The following ZNF600 variants were observed in gnomAD, a reference collection of about 807,000 sequenced individuals.
The protein encoded by ZNF600 is zinc finger protein 600.
Under a neutral mutation model 7.3 loss-of-function variants are expected in ZNF600, and 4 were observed. The observed-to-expected ratio is 0.55, with a 90% CI of 0.27 to 1.25. ZNF600 has a LOEUF of 1.25. Ranked by LOEUF, ZNF600 falls within the 50% of genes most tolerant of loss-of-function variation. The pLI is 0.12. For missense variants in ZNF600, 911 were observed against 922.1 expected (o/e 0.99, Z 0.16); for synonymous variants, 290 against 308.9 (o/e 0.94, Z 0.64).
chr19:52,767,567 T>A (rs1187463845), exon 4 of ZNF600: 16 of 1,613,824 alleles, frequency 9.9e-6, no homozygotes, highest in Admixed American at 5.0e-5. Flanking sequence ...TCAACTTTTT[T>A]ATTTTTGTCA....
At chr19:52,790,682 CTTTTTTTTTTT>C (rs71183835), upstream of ZNF600, among the ~76,000 whole-genome samples, 29 of 98,576 alleles carry the variant, frequency 2.9e-4, no homozygotes, top group African/African-American at 1.2e-3. Context: ...TCTCTCTCTC[CTTTTTTTTTTT>C]TTTTTTTTTT....
intron 3 of ZNF600, among the ~76,000 whole-genome samples, chr19:52,768,042 C>T (rs2062602850): frequency 6.6e-6 from 1 of 151,858 alleles, no homozygotes; most frequent in Non-Finnish European, 1.5e-5. Context: ...AGTATTTTTC[C>T]ACTGTGACCC....
chr19:52,766,898 T>C (rs144568363), exon 4 of ZNF600: 10 of 1,614,016 alleles, frequency 6.2e-6, no homozygotes, highest in Non-Finnish European at 7.6e-6. Context: ...CAAGGTTTGA[T>C]TGCTGATTAA....
At chr19:52,766,715 T>C in exon 4 of ZNF600, 1 of 1,613,530 alleles carries the variant, frequency 6.2e-7, no homozygotes, top group Non-Finnish European at 8.5e-7. Flanking sequence ...TTCTTTTATG[T>C]CTTGCCAGCT....
Position 52,766,695 on chromosome 19 carries a change from CCA to C in ZNF600, c.1266_1267del (p.Gly423ArgfsTer7). The C allele has an allele frequency of 6.2e-7, 1 of 1,613,608 alleles. No individual in the cohort carries two copies. The highest frequency in any genetic ancestry group is 8.5e-7 in the Non-Finnish European group (1 of 1,179,924). ...CTCATTACACTTGTAAGTTTTCTCT[CCA>C]GTGTGAATTCTTTTATGTCTTGCCA... On this transcript the variant is annotated frameshift_variant, in exon 4 of 4. Coordinates refer to ENST00000648973, the Ensembl canonical transcript of ZNF600. LOFTEE classifies it low-confidence loss of function (END_TRUNC).
the ZNF600 span, among the ~76,000 whole-genome samples, chr19:52,832,105 C>T: frequency 7.4e-5 from 7 of 94,144 alleles, no homozygotes; most frequent in Non-Finnish European, 1.2e-4. Flanking sequence ...CCCAGCTACT[C>T]GAGAGGCTCA....
the ZNF600 span, among the ~76,000 whole-genome samples, chr19:52,825,192 A>G: frequency 6.6e-6 from 1 of 152,124 alleles, no homozygotes; most frequent in Non-Finnish European, 1.5e-5. Context: ...CCCTCCAGAT[A>G]CATGTAGCGA....
exon 4 of ZNF600, chr19:52,767,050 G>C (rs1423929862): frequency 6.2e-7 from 1 of 1,614,058 alleles, no homozygotes; most frequent in East Asian, 2.2e-5. Flanking sequence ...AGTCTACGAT[G>C]GCATGTAAGG....
intron 1 of ZNF600, among the ~76,000 whole-genome samples, chr19:52,779,567 G>A (rs1233461073): frequency 6.6e-6 from 1 of 152,114 alleles, no homozygotes; most frequent in Non-Finnish European, 1.5e-5. Context: ...GTGGACCAGA[G>A]GTGGGGTGAA....
chr19:52,800,631 T>G, the ZNF600 span: 1 of 1,613,420 alleles, frequency 6.2e-7, no homozygotes, highest in South Asian at 1.1e-5. Context: ...CTCTCCAGTA[T>G]GAATCCTCTT....
the ZNF600 span, among the ~76,000 whole-genome samples, chr19:52,794,152 C>T: frequency 0.15 from 23,358 of 151,056 alleles, 2,139 homozygotes; most frequent in Non-Finnish European, 0.21. Context: ...GGGTTAAAGC[C>T]CTGAGATGAG....
At chr19:52,808,561 G>A in the ZNF600 span, among the ~76,000 whole-genome samples, 1 of 151,636 alleles carries the variant, frequency 6.6e-6, no homozygotes, top group East Asian at 1.9e-4. Context: ...CTGATCCTGG[G>A]AGGCAGAGGT....
intron 1 of ZNF600, among the ~76,000 whole-genome samples, chr19:52,783,744 C>T (rs2062742516): frequency 6.6e-6 from 1 of 152,150 alleles, no homozygotes; most frequent in Non-Finnish European, 1.5e-5. Context: ...GACTTCTGCT[C>T]ATTTTATGCC....
At chr19:52,782,791 C>T (rs1416356790) in intron 1 of ZNF600, among the ~76,000 whole-genome samples, 1 of 152,056 alleles carries the variant, frequency 6.6e-6, no homozygotes, top group Non-Finnish European at 1.5e-5. Context: ...CAGAGCACTG[C>T]TTGAACCCGA....
chr19:52,811,781 C>T, the ZNF600 span, among the ~76,000 whole-genome samples: 4 of 149,398 alleles, frequency 2.7e-5, no homozygotes, highest in African/African-American at 7.5e-5. Flanking sequence ...AGCCCCCCGC[C>T]CGGCCAGCCG....
chr19:52,769,072 G>A (rs754489004), intron 3 of ZNF600, among the ~76,000 whole-genome samples: 2 of 152,148 alleles, frequency 1.3e-5, no homozygotes, highest in Non-Finnish European at 2.9e-5. Flanking sequence ...TGATGCCAGC[G>A]TCTGGGAAGA....
intron 3 of ZNF600, among the ~76,000 whole-genome samples, chr19:52,768,391 G>C (rs1180095919): frequency 6.9e-6 from 1 of 145,678 alleles, no homozygotes; most frequent in African/African-American, 2.6e-5. Context: ...GGTGAGGCAA[G>C]ATTGCACCTC....
chr19:52,809,958 G>GA, the ZNF600 span: 1 of 817,036 alleles, frequency 1.2e-6, no homozygotes, highest in African/African-American at 1.7e-5. Context: ...GGGCGCAGGG[G>GA]ACGATGGGAA....
chr19:52,768,536 C>G (rs2062607354), intron 3 of ZNF600, among the ~76,000 whole-genome samples: 1 of 151,472 alleles, frequency 6.6e-6, no homozygotes, highest in Non-Finnish European at 1.5e-5. Context: ...CACTTAATGA[C>G]TTTTCAAAAA....
Sources: allele counts gnomAD v4.1 joint callset (sites outside exome capture counted in the v4.1 genomes callset), GRCh38; gene constraint gnomAD v4.1.1; transcripts MANE v1.5; gene names NCBI Gene and HGNC (gene_info 2026-07-23, HGNC 2026-07-21).